NTN4: variants seen among roughly 807,000 people sequenced by gnomAD.
NTN4 encodes the protein netrin 4.
NTN4 carries 32 observed loss-of-function variants against 73.6 expected under a neutral mutation model. The observed-to-expected ratio is 0.44, with a 90% CI of 0.33 to 0.58. NTN4 has a LOEUF of 0.58. NTN4 is among the 20% of genes least tolerant of loss of function. The probability of loss-of-function intolerance (pLI) is 0.04; values close to 1 mark genes in which losing one functional copy is unlikely to be tolerated. For missense variants in NTN4, 654 were observed against 798.3 expected, an observed-to-expected ratio of 0.82 and a Z score of 2.18; for synonymous variants, 258 against 287.5, an observed-to-expected ratio of 0.90 and a Z score of 1.04.
Position 95,713,282 on chromosome 12 carries a change from A to G in NTN4, c.921T>C (p.Cys307=). ...HNTAGSHCQH[C]APLYNDRPWE... ...ATGGCCGGTCATTGTATAACGGGGC[A>G]CAGTGCTGGCAGTGGCTGCCTGCTG... Residue 307 remains cysteine (C), a synonymous_variant, in exon 4 of 10, where the codon TGT becomes TGC. Coordinates refer to ENST00000343702, the MANE Select transcript of NTN4 (RefSeq NM_021229.4). The G allele has an allele frequency of 6.2e-7, 1 of 1,613,380 alleles. No homozygotes were observed. Among genetic ancestry groups the G allele is most frequent in the Non-Finnish European group, 8.5e-7 (1 of 1,179,390 alleles).
At chr12:95,660,530 G>C (rs2078129531) in intron 9 of NTN4, among the ~76,000 whole-genome samples, 2 of 151,604 alleles carry the variant, frequency 1.3e-5, no homozygotes, top group South Asian at 4.1e-4. Context: ...TCAAGCTTTA[G>C]ATAACAAATT....
chr12:95,740,523 C>T (rs1447994768), intron 2 of NTN4, among the ~76,000 whole-genome samples: 3 of 152,194 alleles, frequency 2.0e-5, no homozygotes, highest in Non-Finnish European at 2.9e-5. Flanking sequence ...AAGCATACTT[C>T]AGTATTTCTG....
chr12:95,709,419 A>G (rs1281056636), intron 5 of NTN4, among the ~76,000 whole-genome samples: 1 of 152,202 alleles, frequency 6.6e-6, no homozygotes, highest in Non-Finnish European at 1.5e-5. Context: ...CACCCTTTAC[A>G]TTCACATAAT....
intron 3 of NTN4, among the ~76,000 whole-genome samples, chr12:95,732,793 A>C (rs900715088): frequency 1.4e-4 from 21 of 152,240 alleles, no homozygotes; most frequent in African/African-American, 4.1e-4. Flanking sequence ...GTAGCTTTAA[A>C]TCTGTCCTTA....
At chr12:95,682,021 G>C (rs549048599) in intron 7 of NTN4, among the ~76,000 whole-genome samples, 1 of 137,892 alleles carries the variant, frequency 7.3e-6, no homozygotes, top group East Asian at 2.3e-4. Flanking sequence ...CCTTTCAATG[G>C]ATCTGTAAAT....
chr12:95,723,273 GAA>G (rs1384664291), intron 3 of NTN4, among the ~76,000 whole-genome samples: 3 of 142,716 alleles, frequency 2.1e-5, no homozygotes, highest in Admixed American at 1.4e-4. Context: ...GAAAGACTCT[GAA>G]ATCCACTCCC....
At chr12:95,695,705 T>A (rs1169813375) in intron 5 of NTN4, among the ~76,000 whole-genome samples, 1 of 152,210 alleles carries the variant, frequency 6.6e-6, no homozygotes. Flanking sequence ...ATTCCCTATT[T>A]AATTTCTGTA....
intron 2 of NTN4, among the ~76,000 whole-genome samples, chr12:95,782,796 T>C (rs1294926097): frequency 1.3e-5 from 2 of 152,174 alleles, no homozygotes; most frequent in African/African-American, 2.4e-5. Context: ...AGAGAGTTAA[T>C]AGAGCAGGGA....
intron 8 of NTN4, among the ~76,000 whole-genome samples, chr12:95,668,145 T>TG (rs1393652047): frequency 2.1e-5 from 3 of 140,500 alleles, no homozygotes; most frequent in African/African-American, 6.0e-5. Context: ...AGTCAAGTGT[T>TG]TTTTTTTTTT....
At chr12:95,670,218 G>A in intron 7 of NTN4, 72 bp from the exon 8 acceptor site, 1 of 860,526 alleles carries the variant, frequency 1.2e-6, no homozygotes, top group East Asian at 2.6e-5. Context: ...AGATCAGCAA[G>A]TGTATCCAGA....
intron 5 of NTN4, among the ~76,000 whole-genome samples, chr12:95,683,922 TA>T (rs2078339913): frequency 1.3e-5 from 2 of 152,116 alleles, no homozygotes; most frequent in African/African-American, 4.8e-5. Context: ...GCTGCAAAAA[TA>T]AACACATAAT....
intron 8 of NTN4, among the ~76,000 whole-genome samples, chr12:95,667,630 G>C (rs149562315): frequency 6.6e-6 from 1 of 151,960 alleles, no homozygotes; most frequent in African/African-American, 2.4e-5. Context: ...TGAGGTAGGC[G>C]GATCACCTGA....
Position 95,738,015 on chromosome 12 carries a change from T to C in NTN4, c.715A>G (p.Asn239Asp). Residue 239 changes from asparagine to aspartate, a missense_variant, in exon 3 of 10, where the codon AAT becomes GAT. By Grantham distance (23) the Asn-to-Asp change is conservative (BLOSUM62 1). Transcript: ENST00000343702. ...TGTTGAGGCTCTTCGTTCAGGTCAT[T>C]TCTCTGACAGGGACAAGACTGTCGT... ...LKRQSCPCQR[N>D]DLNEEPQHFT... 6.2e-7 allele frequency: 1 copy of C among 1,614,136 alleles called. No homozygotes were observed.
chr12:95,672,937 A>C (rs1406848761), intron 7 of NTN4: 12 of 1,123,730 alleles, frequency 1.1e-5, no homozygotes, highest in Non-Finnish European at 1.4e-6. Flanking sequence ...GAACCTGCTG[A>C]CTGGTATTCC....
chr12:95,682,056 G>GTTTTTTTTTTTTTT (rs1349857597), intron 7 of NTN4, among the ~76,000 whole-genome samples: 1 of 37,952 alleles, frequency 2.6e-5, no homozygotes, highest in South Asian at 1.2e-3. Flanking sequence ...TATTCAGTAG[G>GTTTTTTTTTTTTTT]CTTTTTTTTT....
intron 7 of NTN4, among the ~76,000 whole-genome samples, chr12:95,677,916 G>T (rs1214689473): frequency 1.3e-5 from 2 of 152,154 alleles, no homozygotes; most frequent in Admixed American, 1.3e-4. Flanking sequence ...ATTTACAATA[G>T]CAAAGACTTG....
chr12:95,741,559 A>C lies in NTN4; in HGVS notation c.586-3415T>G, dbSNP rs542652923. On this transcript the variant is annotated intron_variant, in intron 2 of 9. Transcript: ENST00000343702. ...ATGTATGTCCCTTTTTATCCTTGGC[A>C]ATATTCTTTGATCTAAAATCTACTT... Among the ~76,000 whole-genome samples, 668 of 141,338 alleles carry C rather than the reference A, an allele frequency of 4.7e-3. 3 individuals are homozygous for C. Among genetic ancestry groups the C allele is most frequent in the Non-Finnish European group, 7.0e-3 (457 of 65,572 alleles). The allele number at this position is 141,338 out of a possible 152,430, so 92.7% of individuals were successfully genotyped here.
intron 7 of NTN4, chr12:95,672,618 C>CA: frequency 7.2e-6 from 11 of 1,523,814 alleles, no homozygotes; most frequent in Non-Finnish European, 1.0e-5. Context: ...GAAACTGCTG[C>CA]AAAGCATGGT....
At chr12:95,694,102 C>T (rs2078422737) in intron 5 of NTN4, among the ~76,000 whole-genome samples, 1 of 152,132 alleles carries the variant, frequency 6.6e-6, no homozygotes, top group East Asian at 1.9e-4. Context: ...ATTGTTGAAA[C>T]CACCAATGGA....
Sources: gnomAD v4.1 joint callset for allele counts (sites outside exome capture counted in the v4.1 genomes callset) on GRCh38, gnomAD v4.1.1 for gene constraint, MANE v1.5 for transcripts, NCBI Gene and HGNC (gene_info 2026-07-23, HGNC 2026-07-21) for gene names.